NBAS: variants seen among roughly 807,000 people sequenced by gnomAD.
The protein encoded by NBAS is NBAS subunit of NRZ tethering complex.
A neutral mutation model predicts 302.5 loss-of-function variants in NBAS; 219 were observed. That is an observed-to-expected ratio of 0.72 (90% CI 0.65 to 0.81). NBAS has a LOEUF of 0.81. Among genes scored for constraint, NBAS ranks in the 30% least tolerant of loss-of-function variants. NBAS has a pLI of 0.00. For missense variants in NBAS, 2,932 were observed against 2,841.6 expected (o/e 1.03, Z -0.72); for synonymous variants, 1,118 against 1,021.6 (o/e 1.09, Z -1.80).
chr2:15,124,171 G>A, the NBAS span, among the ~76,000 whole-genome samples: 1 of 152,110 alleles, frequency 6.6e-6, no homozygotes, highest in Admixed American at 6.5e-5. Context: ...CATGTCCTAC[G>A]GCTTTGTGGA....
chr2:15,003,994 T>G, the NBAS span, among the ~76,000 whole-genome samples: 1 of 152,236 alleles, frequency 6.6e-6, no homozygotes, highest in Non-Finnish European at 1.5e-5. Flanking sequence ...ACATCTATTT[T>G]TTAAATGCCG....
At chr2:15,349,505 G>A (rs893271920) in intron 35 of NBAS, among the ~76,000 whole-genome samples, 5 of 152,176 alleles carry the variant, frequency 3.3e-5, no homozygotes, top group Non-Finnish European at 7.3e-5. Context: ...CATCTGAAGG[G>A]AGTGAGTGCA....
intron 9 of NBAS, among the ~76,000 whole-genome samples, chr2:15,523,682 G>A (rs1341014801): frequency 6.6e-6 from 1 of 152,200 alleles, no homozygotes; most frequent in East Asian, 1.9e-4. Flanking sequence ...GGGAAGCCAA[G>A]ATGGGCAAAT....
At chr2:15,228,933 C>T in intron 47 of NBAS, among the ~76,000 whole-genome samples, 1 of 152,210 alleles carries the variant, frequency 6.6e-6, no homozygotes, top group East Asian at 1.9e-4. Context: ...AGCAAATACC[C>T]ATGTATTGTA....
At chr2:15,285,109 T>C (rs1669980378) in intron 42 of NBAS, among the ~76,000 whole-genome samples, 1 of 152,234 alleles carries the variant, frequency 6.6e-6, no homozygotes, top group South Asian at 2.1e-4. Flanking sequence ...TAAGAAATAT[T>C]TATTTGAACA....
intron 48 of NBAS, among the ~76,000 whole-genome samples, chr2:15,215,402 C>A (rs138234570): frequency 2.0e-5 from 3 of 152,240 alleles, no homozygotes; most frequent in African/African-American, 7.2e-5. Context: ...ACTTTGGGCA[C>A]CTCGAGGATA....
intron 45 of NBAS, among the ~76,000 whole-genome samples, chr2:15,236,625 TAA>T (rs1299649685): frequency 1.4e-5 from 2 of 147,048 alleles, no homozygotes; most frequent in African/African-American, 2.5e-5. Flanking sequence ...AAAAATAATA[TAA>T]GTTTAAAATA....
chr2:14,939,185 C>T, the NBAS span, among the ~76,000 whole-genome samples: 3 of 152,222 alleles, frequency 2.0e-5, no homozygotes, highest in African/African-American at 7.2e-5. Flanking sequence ...CCTGGCTTGG[C>T]CATAACATAG....
chr2:15,047,917 T>C, the NBAS span, among the ~76,000 whole-genome samples: 1 of 152,258 alleles, frequency 6.6e-6, no homozygotes, highest in Admixed American at 6.5e-5. Context: ...CAAAGCATTT[T>C]GTGAAGTCTA....
At chr2:15,213,616 T>G (rs527939757) in intron 48 of NBAS, among the ~76,000 whole-genome samples, 1 of 152,338 alleles carries the variant, frequency 6.6e-6, no homozygotes, top group Non-Finnish European at 1.5e-5. Context: ...AGAACTGGTT[T>G]GAGTTCCATG....
At chr2:15,277,941 T>C (rs968382144) in intron 42 of NBAS, among the ~76,000 whole-genome samples, 3 of 152,076 alleles carry the variant, frequency 2.0e-5, no homozygotes, top group African/African-American at 4.8e-5. Context: ...TACTCCCTAA[T>C]TGTAAGAGTC....
At chr2:15,397,513 T>G in intron 26 of NBAS, 2 of 597,770 alleles carry the variant, frequency 3.3e-6, no homozygotes, top group African/African-American at 1.9e-5. Context: ...CCTTGCAGGC[T>G]TCATGATATC....
the NBAS span, among the ~76,000 whole-genome samples, chr2:15,080,311 T>G: frequency 6.6e-6 from 1 of 152,222 alleles, no homozygotes; most frequent in East Asian, 1.9e-4. Flanking sequence ...AAATCTGAAC[T>G]GAAGAAGACA....
At chr2:15,241,725 T>A (rs984491036) in intron 44 of NBAS, among the ~76,000 whole-genome samples, 3 of 152,218 alleles carry the variant, frequency 2.0e-5, no homozygotes, top group Non-Finnish European at 4.4e-5. Context: ...ATAAAATACA[T>A]GTGCCATCCT....
At chr2:15,452,025 C>G (rs989484978) in intron 21 of NBAS, among the ~76,000 whole-genome samples, 17 of 148,746 alleles carry the variant, frequency 1.1e-4, no homozygotes, top group Non-Finnish European at 2.4e-4. Flanking sequence ...AATAAATGAA[C>G]AAGTACTGTA....
At chr2:15,476,814 A>G (rs1393526856) in intron 13 of NBAS, among the ~76,000 whole-genome samples, 1 of 152,242 alleles carries the variant, frequency 6.6e-6, no homozygotes, top group Non-Finnish European at 1.5e-5. Context: ...ACATTTTTTG[A>G]ATATCACCTG....
the NBAS span, among the ~76,000 whole-genome samples, chr2:15,007,959 T>C: frequency 4.6e-5 from 7 of 152,202 alleles, no homozygotes; most frequent in Admixed American, 6.5e-5. Context: ...ATTTACAAAA[T>C]AATGTTTTGA....
chr2:14,872,395 G>T, the NBAS span, among the ~76,000 whole-genome samples: 1 of 151,960 alleles, frequency 6.6e-6, no homozygotes, highest in Non-Finnish European at 1.5e-5. Context: ...ACACAAAAAA[G>T]CAGAATATGC....
At chr2:15,134,494 C>T in the NBAS span, among the ~76,000 whole-genome samples, 1 of 152,174 alleles carries the variant, frequency 6.6e-6, no homozygotes, top group Non-Finnish European at 1.5e-5. Context: ...CACACACACA[C>T]ACCCCTCTAA....
Sources: gnomAD v4.1 joint callset for allele counts (sites outside exome capture counted in the v4.1 genomes callset) on GRCh38, gnomAD v4.1.1 for gene constraint, MANE v1.5 for transcripts, NCBI Gene and HGNC (gene_info 2026-07-23, HGNC 2026-07-21) for gene names.